Variants in TMEM272 observed in about 807,000 individuals in gnomAD.
The protein encoded by TMEM272 is long intergenic non-protein coding RNA 282.
TMEM272 carries 8 observed loss-of-function variants against 3.7 expected under a neutral mutation model. The observed-to-expected ratio is 2.17, with a 90% CI of 1.27 to 3.91. The LOEUF (loss-of-function observed/expected upper bound fraction) is 3.91. Among genes scored for constraint, TMEM272 ranks in the 30% most tolerant of loss-of-function variants. The pLI is 0.00. For synonymous variants in TMEM272, 63 were observed against 39.8 expected, an observed-to-expected ratio of 1.58 and a Z score of -2.20; for missense variants, 166 against 91.5, an observed-to-expected ratio of 1.81 and a Z score of -3.32.
intron 2 of TMEM272, among the ~76,000 whole-genome samples, chr13:51,828,653 C>T (rs1020552493): frequency 6.6e-6 from 1 of 152,200 alleles, no homozygotes; most frequent in Non-Finnish European, 1.5e-5. Flanking sequence ...CTTCTGTTGC[C>T]ATCTTGAAAT....
In TMEM272 at chr13:51,816,653, CTGTGTG is replaced by C. The variant is rs111925186; in HGVS notation, c.*92_*97del. On this transcript the variant is annotated 3_prime_UTR_variant, in exon 5 of 5. Transcript: ENST00000629372. ...ATTACCTTTATGCCCTTCTCTGAACCTGTGTGTGTGTGTGTGTGTGTGTGCGTCTGT... is the reference window on the plus strand; with the variant it reads ...ATTACCTTTATGCCCTTCTCTGAACCTGTGTGTGTGTGTGTGTGCGTCTGT... 72 of 571,700 alleles carry C rather than the reference CTGTGTG, an allele frequency of 1.3e-4. No homozygotes were observed. Among genetic ancestry groups the C allele is most frequent in the East Asian group, 2.1e-4 (7 of 33,756 alleles). 35.4% of individuals were successfully genotyped at this position (571,700 alleles called of 1,614,324 possible). A position where few individuals can be genotyped will look rare whatever the true frequency, so the allele number is the denominator to read the frequency against.
the TMEM272 span, among the ~76,000 whole-genome samples, chr13:51,893,687 G>A: frequency 3.9e-4 from 59 of 152,200 alleles, 1 homozygote; most frequent in Non-Finnish European, 4.7e-4. Flanking sequence ...TCGATCACCA[G>A]GGAATGTGAT....
At chr13:51,919,905 A>G in the TMEM272 span, among the ~76,000 whole-genome samples, 1 of 152,162 alleles carries the variant, frequency 6.6e-6, no homozygotes, top group Admixed American at 6.5e-5. Flanking sequence ...TTAATGCATC[A>G]TGCCTAGCTC....
chr13:51,833,471 A>T (rs1032269195), intron 2 of TMEM272, among the ~76,000 whole-genome samples: 11 of 152,302 alleles, frequency 7.2e-5, no homozygotes, highest in South Asian at 2.1e-4. Context: ...TGGCTGTTTC[A>T]TAACTCAGCC....
At chr13:51,909,469 C>CA in the TMEM272 span, 1 of 892,080 alleles carries the variant, frequency 1.1e-6, no homozygotes, top group Non-Finnish European at 1.9e-6. Context: ...TGATATAACT[C>CA]AGTCATTAAC....
chr13:51,877,362 T>C, the TMEM272 span, among the ~76,000 whole-genome samples: 7 of 152,240 alleles, frequency 4.6e-5, no homozygotes, highest in Non-Finnish European at 1.0e-4. Flanking sequence ...TGTCCATCTC[T>C]GTACCTTCAG....
chr13:51,867,858 C>T, the TMEM272 span, among the ~76,000 whole-genome samples: 4 of 152,102 alleles, frequency 2.6e-5, no homozygotes, highest in Admixed American at 6.5e-5. Context: ...AAGACCTGGA[C>T]GGTGTGGGCC....
intron 1 of TMEM272, among the ~76,000 whole-genome samples, chr13:51,842,608 C>T (rs1173628971): frequency 6.6e-6 from 1 of 151,986 alleles, no homozygotes; most frequent in Admixed American, 6.6e-5. Context: ...GAACTTCCAG[C>T]CCAACTGTTA....
At position 51,815,607 on chromosome 13, in the gene TMEM272, G is replaced by A. The variant is rs9316557; in HGVS notation, c.*1144C>T. The A allele has an allele frequency of 0.27, 41,121 of 152,172 alleles. 6,387 individuals are homozygous for A. Among genetic ancestry groups the A allele is most frequent in the African/African-American group, 0.43 (17,916 of 41,488 alleles). The allele number at this position is 152,172 out of a possible 1,614,324, so 9.4% of individuals were successfully genotyped here. A position where few individuals can be genotyped will look rare whatever the true frequency, so the allele number is the denominator to read the frequency against. ...CTATGCACGTGGCTGAGAGAAGCAC[G>A]GTTAAGCAGGTGCCACGCACCCCTG... On this transcript the variant is annotated 3_prime_UTR_variant, in exon 5 of 5. Coordinates refer to ENST00000629372, the MANE Select transcript of TMEM272 (RefSeq NM_001351003.2).
intron 2 of TMEM272, among the ~76,000 whole-genome samples, chr13:51,832,623 C>T (rs1419977060): frequency 6.6e-6 from 1 of 152,162 alleles, no homozygotes; most frequent in Non-Finnish European, 1.5e-5. Flanking sequence ...CTTCTGCCCT[C>T]TCCTGGTATG....
At chr13:51,871,259 C>T in the TMEM272 span, among the ~76,000 whole-genome samples, 2 of 150,074 alleles carry the variant, frequency 1.3e-5, no homozygotes, top group Non-Finnish European at 2.9e-5. Flanking sequence ...GGCGCAATCT[C>T]GGCTCACTGC....
the TMEM272 span, among the ~76,000 whole-genome samples, chr13:51,920,651 G>A: frequency 2.0e-5 from 3 of 152,112 alleles, no homozygotes; most frequent in Non-Finnish European, 4.4e-5. Flanking sequence ...ATCTTCCCAT[G>A]GCAATCCCCC....
At chr13:51,930,136 C>T in the TMEM272 span, among the ~76,000 whole-genome samples, 5 of 151,928 alleles carry the variant, frequency 3.3e-5, no homozygotes, top group African/African-American at 1.2e-4. Flanking sequence ...TTCCCCCCCC[C>T]CACTTTCTAT....
the TMEM272 span, among the ~76,000 whole-genome samples, chr13:51,897,564 G>A: frequency 6.6e-6 from 1 of 151,576 alleles, no homozygotes; most frequent in East Asian, 1.9e-4. Flanking sequence ...TTCCCTGGAG[G>A]GGGACTCTTA....
chr13:51,817,982 T>C (rs1956048832), intron 4 of TMEM272, among the ~76,000 whole-genome samples: 1 of 152,106 alleles, frequency 6.6e-6, no homozygotes, highest in Non-Finnish European at 1.5e-5. Context: ...AGGACACAGG[T>C]GGTCTTTGCT....
At chr13:51,840,433 G>A (rs1435138054) in intron 1 of TMEM272, among the ~76,000 whole-genome samples, 3 of 152,220 alleles carry the variant, frequency 2.0e-5, no homozygotes, top group African/African-American at 7.2e-5. Flanking sequence ...TTGGAATCCA[G>A]GTGTCTTAAA....
Position 51,817,027 on chromosome 13 carries a change from G to A in TMEM272, c.288C>T (p.Tyr96=), listed in dbSNP as rs376979502. The A allele has an allele frequency of 1.8e-5, 13 of 702,880 alleles. No individual in the cohort carries two copies. The African/African-American group carries it at 2.1e-4, about 11-fold the overall frequency. 43.5% of individuals were successfully genotyped at this position (702,880 alleles called of 1,614,324 possible). A position where few individuals can be genotyped will look rare whatever the true frequency, so the allele number is the denominator to read the frequency against. Residue 96 remains tyrosine (Y), a synonymous_variant, in exon 5 of 5, where the codon TAC becomes TAT. Transcript: ENST00000629372. ...ATCTGTGCGCATTCTGCCTCCAGGG[G>A]TATTCGTCATCGTCATCGTCATCAA... ...VVIDDDDDDE[Y]PWRQNAHRYY...
the TMEM272 span, among the ~76,000 whole-genome samples, chr13:51,896,455 T>G: frequency 6.6e-6 from 1 of 152,206 alleles, no homozygotes; most frequent in South Asian, 2.1e-4. Context: ...CAGCAGCATG[T>G]CCAGGAGAGG....
intron 2 of TMEM272, among the ~76,000 whole-genome samples, chr13:51,832,468 C>T (rs1324344190): frequency 3.3e-5 from 5 of 152,178 alleles, no homozygotes; most frequent in East Asian, 3.8e-4. Context: ...CACCATCCTT[C>T]GGGGCTCCAC....
Sources: allele counts gnomAD v4.1 joint callset (sites outside exome capture counted in the v4.1 genomes callset), GRCh38; gene constraint gnomAD v4.1.1; transcripts MANE v1.5; gene names NCBI Gene and HGNC (gene_info 2026-07-23, HGNC 2026-07-21).